The following CDK19 variants were observed in gnomAD, a reference collection of about 807,000 sequenced individuals.
The protein encoded by CDK19 is cyclin dependent kinase 19.
In CDK19, 20 loss-of-function variants were observed where a neutral mutation model predicts 68.3. The observed-to-expected ratio is 0.29, with a 90% confidence interval of 0.21 to 0.43. The LOEUF (loss-of-function observed/expected upper bound fraction) is 0.43. CDK19 is among the 20% of genes least tolerant of loss of function. The pLI, the probability that CDK19 is intolerant of heterozygous loss-of-function variation, is 1.00. For missense variants in CDK19, 339 were observed against 623.5 expected (o/e 0.54, Z 4.86); for synonymous variants, 221 against 222.8 (o/e 0.99, Z 0.07).
intron 2 of CDK19, among the ~76,000 whole-genome samples, chr6:110,718,448 G>A (rs188347262): frequency 2.5e-4 from 38 of 152,254 alleles, no homozygotes; most frequent in Admixed American, 6.5e-4. Context: ...GCCTGGGGAG[G>A]CAGTAAGGAA....
chr6:110,633,167 C>G (rs189380277), intron 5 of CDK19, among the ~76,000 whole-genome samples: 1 of 152,084 alleles, frequency 6.6e-6, no homozygotes, highest in Non-Finnish European at 1.5e-5. Flanking sequence ...TGCAGTGAGC[C>G]GAGTTCGTGC....
At chr6:110,645,088 G>T (rs986311263) in intron 4 of CDK19, among the ~76,000 whole-genome samples, 1 of 152,010 alleles carries the variant, frequency 6.6e-6, no homozygotes, top group African/African-American at 2.4e-5. Flanking sequence ...ACTATCCAAA[G>T]GATACAATTA....
At chr6:110,804,400 T>C (rs906019387) in intron 1 of CDK19, among the ~76,000 whole-genome samples, 4 of 151,912 alleles carry the variant, frequency 2.6e-5, no homozygotes, top group African/African-American at 4.8e-5. Flanking sequence ...TGGAGTGCAA[T>C]GGCGCGATCT....
chr6:110,712,439 A>C (rs1463703640), intron 2 of CDK19, among the ~76,000 whole-genome samples: 1 of 152,218 alleles, frequency 6.6e-6, no homozygotes, highest in African/African-American at 2.4e-5. Context: ...AAGATACTGA[A>C]TCAGCATTAA....
intron 8 of CDK19, among the ~76,000 whole-genome samples, chr6:110,625,480 T>A (rs972091446): frequency 6.6e-6 from 1 of 152,090 alleles, no homozygotes; most frequent in Non-Finnish European, 1.5e-5. Context: ...GTCCATTTTA[T>A]TGTACCCTTG....
intron 1 of CDK19, chr6:110,814,556 G>A (rs1439334270): frequency 2.2e-6 from 1 of 456,218 alleles, no homozygotes; most frequent in South Asian, 1.5e-5. Context: ...AGGCTCCCCG[G>A]CGAGGTTTCA....
chr6:110,682,621 C>T lies in CDK19; in HGVS notation c.205-12080G>A, dbSNP rs550293481. On this transcript the variant is annotated intron_variant, in intron 2 of 12. Coordinates refer to ENST00000368911, the MANE Select transcript of CDK19 (RefSeq NM_015076.5). ...TCTGCTTCATTTTACTTCAGTGACA[C>T]TTCCTGGTTACCAGTCATAAGCTCC... is the stretch of plus-strand genomic sequence containing the variant. Among the ~76,000 whole-genome samples the T allele has an allele frequency of 1.7e-3, 262 of 152,298 alleles. 5 individuals are homozygous for T. Among genetic ancestry groups the T allele is most frequent in the South Asian group, 0.016 (76 of 4,828 alleles).
intron 1 of CDK19, among the ~76,000 whole-genome samples, chr6:110,777,132 A>G (rs1007471187): frequency 7.2e-5 from 11 of 152,218 alleles, no homozygotes; most frequent in Admixed American, 5.9e-4. Flanking sequence ...CAAGTATTCA[A>G]TCATGCTATA....
chr6:110,798,344 G>C (rs988332954), intron 1 of CDK19, among the ~76,000 whole-genome samples: 3 of 152,114 alleles, frequency 2.0e-5, no homozygotes, highest in African/African-American at 7.2e-5. Context: ...AAACTTCCTG[G>C]CCAGGGATGA....
At chr6:110,792,162 G>C (rs186026244) in intron 1 of CDK19, among the ~76,000 whole-genome samples, 1 of 150,938 alleles carries the variant, frequency 6.6e-6, no homozygotes, top group Admixed American at 6.6e-5. Flanking sequence ...GTAGAGACAG[G>C]GTTTCACCAT....
chr6:110,768,358 T>C (rs1412758450), intron 1 of CDK19, among the ~76,000 whole-genome samples: 2 of 152,210 alleles, frequency 1.3e-5, no homozygotes, highest in African/African-American at 4.8e-5. Flanking sequence ...AACATGTTCA[T>C]GCCATGTGAT....
intron 2 of CDK19, among the ~76,000 whole-genome samples, chr6:110,725,859 T>C (rs1179653030): frequency 6.6e-6 from 1 of 152,210 alleles, no homozygotes; most frequent in Non-Finnish European, 1.5e-5. Flanking sequence ...ACACACTTTA[T>C]TTACATCAAA....
intron 2 of CDK19, among the ~76,000 whole-genome samples, chr6:110,721,433 T>G (rs1344609745): frequency 2.6e-5 from 4 of 152,086 alleles, no homozygotes; most frequent in Non-Finnish European, 1.5e-5. Flanking sequence ...TCACTTCTTT[T>G]GCTTGCAAGA....
At chr6:110,619,901 AATT>A (rs1778600482) in intron 12 of CDK19, among the ~76,000 whole-genome samples, 2 of 152,144 alleles carry the variant, frequency 1.3e-5, no homozygotes, top group East Asian at 1.9e-4. Context: ...TGTTTAGGCA[AATT>A]ATTATTATTT....
intron 1 of CDK19, among the ~76,000 whole-genome samples, chr6:110,782,701 T>C (rs1282791359): frequency 6.6e-6 from 1 of 152,210 alleles, no homozygotes; most frequent in African/African-American, 2.4e-5. Flanking sequence ...CTATTTCCAT[T>C]TTGGGAACTA....
At chr6:110,791,594 C>T (rs964647546) in intron 1 of CDK19, among the ~76,000 whole-genome samples, 1 of 152,120 alleles carries the variant, frequency 6.6e-6, no homozygotes, top group Non-Finnish European at 1.5e-5. Context: ...GAAAAACATA[C>T]CACACCATTC....
intron 1 of CDK19, among the ~76,000 whole-genome samples, chr6:110,808,122 G>A (rs1008937960): frequency 3.9e-5 from 6 of 152,134 alleles, no homozygotes; most frequent in Non-Finnish European, 8.8e-5. Flanking sequence ...AAGGTCACTT[G>A]ATGGATCAGA....
chr6:110,756,686 T>C (rs1778863388), intron 1 of CDK19, among the ~76,000 whole-genome samples: 1 of 152,160 alleles, frequency 6.6e-6, no homozygotes, highest in Non-Finnish European at 1.5e-5. Flanking sequence ...TATTTACGTG[T>C]GTGTGTGTGT....
chr6:110,614,517 T>C lies in CDK19; in HGVS notation c.*18A>G, dbSNP rs199678603. On this transcript the variant is annotated 3_prime_UTR_variant, in exon 13 of 13. Transcript: ENST00000368911. ...GCCTGTGCTCTGGGCTGGGCTGGCC[T>C]GGCCCAACGGGAGCTGGTCAGTACC... The C allele has an allele frequency of 9.2e-5, 149 of 1,612,158 alleles. No homozygotes were observed. Among genetic ancestry groups the C allele is most frequent in the Middle Eastern group, 4.9e-4 (3 of 6,070 alleles).
Sources: allele counts gnomAD v4.1 joint callset (sites outside exome capture counted in the v4.1 genomes callset), GRCh38; gene constraint gnomAD v4.1.1; transcripts MANE v1.5; gene names NCBI Gene and HGNC (gene_info 2026-07-23, HGNC 2026-07-21).